Variants in LYPLA1 observed in about 807,000 individuals in gnomAD.
LYPLA1 encodes the protein acyl-protein thioesterase 1.
LYPLA1 carries 17 observed loss-of-function variants against 34.0 expected under a neutral mutation model. The observed-to-expected ratio is 0.50, with a 90% confidence interval of 0.34 to 0.75. LYPLA1 has a LOEUF of 0.75. Ranked by LOEUF, LYPLA1 falls within the 30% of genes least tolerant of loss-of-function variation. The pLI, the probability that LYPLA1 is intolerant of heterozygous loss-of-function variation, is 0.01. For synonymous variants in LYPLA1, 98 were observed against 100.8 expected, an observed-to-expected ratio of 0.97 and a Z score of 0.17; for missense variants, 203 against 288.8, an observed-to-expected ratio of 0.70 and a Z score of 2.15.
At chr8:54,092,124 C>T (rs193038046) in intron 2 of LYPLA1, among the ~76,000 whole-genome samples, 3 of 147,796 alleles carry the variant, frequency 2.0e-5, no homozygotes, top group East Asian at 2.0e-4. Flanking sequence ...GGGGAGGCAG[C>T]GGCGGCAGAG....
intron 1 of LYPLA1, chr8:54,101,541 G>A: frequency 2.6e-6 from 3 of 1,144,802 alleles, no homozygotes; most frequent in Middle Eastern, 3.6e-4. Context: ...AATGCAGGGA[G>A]GAGCTGGGGA....
chr8:54,057,192 T>C (rs565564363), intron 5 of LYPLA1, among the ~76,000 whole-genome samples: 7 of 152,236 alleles, frequency 4.6e-5, no homozygotes, highest in Non-Finnish European at 7.4e-5. Context: ...GGGGAACAGT[T>C]TGGAGGTTCC....
intron 2 of LYPLA1, among the ~76,000 whole-genome samples, chr8:54,084,155 T>C (rs1349408844): frequency 7.6e-6 from 1 of 131,002 alleles, no homozygotes; most frequent in Non-Finnish European, 1.5e-5. Flanking sequence ...TATATATATA[T>C]ATATATATAA....
intron 2 of LYPLA1, among the ~76,000 whole-genome samples, chr8:54,083,275 T>C (rs1808446738): frequency 6.6e-6 from 1 of 152,080 alleles, no homozygotes; most frequent in Non-Finnish European, 1.5e-5. Context: ...AGGTAGCCCA[T>C]AAGAACCCAC....
chr8:54,100,215 A>C (rs1257635406), intron 2 of LYPLA1: 6 of 152,194 alleles, frequency 3.9e-5, no homozygotes, highest in Non-Finnish European at 5.9e-5. Flanking sequence ...AGGCTCAGGC[A>C]GCTCCCACCT....
chr8:54,062,261 T>G lies in LYPLA1; in HGVS notation c.279A>C (p.Ala93=). ...AACATTTTCTGTACTTACTATTTTC[T>G]GCTGCCTGTTTAATCCCAGATTCAT... ...QEDESGIKQA[A]ENIKALIDQE... is the part of the protein sequence containing the mutation. Residue 93 remains alanine (A), a synonymous_variant, in exon 5 of 9, where the codon GCA becomes GCC. Transcript: ENST00000316963. 7 of 1,602,658 alleles carry G rather than the reference T, an allele frequency of 4.4e-6. No homozygotes were observed. Among genetic ancestry groups the G allele is most frequent in the Non-Finnish European group, 6.0e-6 (7 of 1,172,888 alleles).
chr8:54,101,220 T>A, intron 1 of LYPLA1: 1 of 639,926 alleles, frequency 1.6e-6, no homozygotes, highest in Non-Finnish European at 2.2e-6. Context: ...AAACAGTTTA[T>A]CTCTTTCAAG....
In LYPLA1 at chr8:54,047,566, C is replaced by T. The variant is rs1251102027; in HGVS notation, c.*499G>A. On this transcript the variant is annotated 3_prime_UTR_variant, in exon 9 of 9. Coordinates refer to ENST00000316963, the MANE Select transcript of LYPLA1 (RefSeq NM_006330.4). The stretch of plus-strand genomic sequence containing the variant: ...TATTAGGAATAATGTAATACCACCT[C>T]ATTCTTATTATGTATTATAATCATT... 1 of 151,856 alleles carries T rather than the reference C, an allele frequency of 6.6e-6. No individual in the cohort carries two copies. The highest frequency in any genetic ancestry group is 1.5e-5 in the Non-Finnish European group (1 of 67,856). The allele number at this position is 151,856 out of a possible 1,614,324, so 9.4% of individuals were successfully genotyped here. A position where few individuals can be genotyped will look rare whatever the true frequency, so the allele number is the denominator to read the frequency against.
intron 2 of LYPLA1, among the ~76,000 whole-genome samples, chr8:54,068,919 C>A (rs564528368): frequency 3.3e-5 from 5 of 152,218 alleles, no homozygotes; most frequent in Admixed American, 3.3e-4. Context: ...CAAATCACAT[C>A]TAATTAAAGT....
rs1368992386 is a variant in LYPLA1, at chr8:54,055,596, T to C, written c.287-463A>G. ...ATCTACAGATTCAATGCAATCTCTA[T>C]GAAAATACCAATGACAATCTTCACA... On this transcript the variant is annotated intron_variant, in intron 5 of 8. Coordinates refer to ENST00000316963, the MANE Select transcript of LYPLA1 (RefSeq NM_006330.4). Among the ~76,000 whole-genome samples the C allele has an allele frequency of 2.6e-5, 4 of 152,086 alleles. No homozygotes were observed. The East Asian group carries it at 5.8e-4, about 22-fold the overall frequency.
At position 54,073,765 on chromosome 8, in the gene LYPLA1, C is replaced by T. The variant is rs548516212; in HGVS notation, c.102-7952G>A. The stretch of plus-strand genomic sequence containing the variant: ...CTTCCTACCTCTTTGCCCTGCCCTC[C>T]CCCAAAAAACTACTTCTTTTTTCAA... On this transcript the variant is annotated intron_variant, in intron 2 of 8. Transcript: ENST00000316963. Among the ~76,000 whole-genome samples the T allele has an allele frequency of 2.1e-3, 316 of 152,274 alleles. 1 individual carries two copies. Among genetic ancestry groups the T allele is most frequent in the African/African-American group, 7.2e-3 (300 of 41,560 alleles).
At chr8:54,051,459 T>G (rs1805839149) in intron 7 of LYPLA1, among the ~76,000 whole-genome samples, 1 of 152,180 alleles carries the variant, frequency 6.6e-6, no homozygotes, top group East Asian at 1.9e-4. Flanking sequence ...TTTCGTTTAG[T>G]TTTTTTGAGA....
chr8:54,057,336 G>A (rs1384748827), intron 5 of LYPLA1, among the ~76,000 whole-genome samples: 1 of 152,062 alleles, frequency 6.6e-6, no homozygotes, highest in Non-Finnish European at 1.5e-5. Flanking sequence ...AAGGAAATCA[G>A]TATATTGAAG....
intron 2 of LYPLA1, among the ~76,000 whole-genome samples, chr8:54,068,333 TA>T (rs1807232495): frequency 6.6e-6 from 1 of 152,156 alleles, no homozygotes; most frequent in South Asian, 2.1e-4. Flanking sequence ...TTTAACAGAA[TA>T]CCACCTGACT....
downstream of LYPLA1, chr8:54,045,038 C>G (rs1185953635): frequency 6.6e-5 from 10 of 152,094 alleles, no homozygotes; most frequent in Admixed American, 6.6e-4. Flanking sequence ...TTATAAAGAC[C>G]ATGAAGTTAG....
intron 2 of LYPLA1, among the ~76,000 whole-genome samples, chr8:54,089,759 G>A (rs1809082457): frequency 6.6e-6 from 1 of 151,926 alleles, no homozygotes; most frequent in Admixed American, 6.6e-5. Context: ...AAGTAGCTGG[G>A]ATTACAGGCA....
intron 2 of LYPLA1, among the ~76,000 whole-genome samples, chr8:54,092,867 G>A (rs1178989687): frequency 1.3e-5 from 2 of 152,076 alleles, no homozygotes; most frequent in African/African-American, 2.4e-5. Flanking sequence ...GTGGTGGCAC[G>A]CACACATATT....
chr8:54,096,981 A>C (rs1809735508), intron 2 of LYPLA1, among the ~76,000 whole-genome samples: 1 of 152,180 alleles, frequency 6.6e-6, no homozygotes, highest in Admixed American at 6.5e-5. Context: ...GGGGAGTAGC[A>C]GATTAATAAA....
At chr8:54,085,940 A>T (rs1808724751) in intron 2 of LYPLA1, among the ~76,000 whole-genome samples, 1 of 152,128 alleles carries the variant, frequency 6.6e-6, no homozygotes, top group African/African-American at 2.4e-5. Flanking sequence ...GGTGTACCCA[A>T]CAGCTCATTG....
Sources: allele counts gnomAD v4.1 joint callset (sites outside exome capture counted in the v4.1 genomes callset), GRCh38; gene constraint gnomAD v4.1.1; transcripts MANE v1.5; gene names NCBI Gene and HGNC (gene_info 2026-07-23, HGNC 2026-07-21).